Variants in CHD6 observed in about 807,000 individuals in gnomAD.
CHD6 encodes the protein ATP-dependent chromatin remodeler CHD6.
A neutral mutation model predicts 276.9 loss-of-function variants in CHD6; 50 were observed. The ratio of observed to expected loss-of-function variants is 0.18; its 90% CI spans 0.14 to 0.23. The LOEUF (loss-of-function observed/expected upper bound fraction) is 0.23, where lower values mean the gene tolerates loss of function less well. Among genes scored for constraint, CHD6 ranks in the 10% least tolerant of loss-of-function variants. The pLI is 1.00. For missense variants in CHD6, 2,564 were observed against 3,365.8 expected (o/e 0.76, Z 5.89); for synonymous variants, 1,173 against 1,229.3 (o/e 0.95, Z 0.96).
intron 24 of CHD6, among the ~76,000 whole-genome samples, chr20:41,446,585 GT>G (rs2048076020): frequency 6.6e-6 from 1 of 152,146 alleles, no homozygotes; most frequent in South Asian, 2.1e-4. Context: ...TGCCTCTGAA[GT>G]TTCTTCTTCC....
intron 1 of CHD6, among the ~76,000 whole-genome samples, chr20:41,585,088 C>T (rs1601167681): frequency 6.6e-6 from 1 of 152,142 alleles, no homozygotes; most frequent in East Asian, 1.9e-4. Context: ...AAAGAGGAGA[C>T]ATCATGAGGT....
At position 41,538,990 on chromosome 20, in the gene CHD6, C is replaced by T. The variant is rs142030619; in HGVS notation, c.34-5420G>A. 5.4e-4 allele frequency among the ~76,000 whole-genome samples: 83 copies of T among 152,310 alleles called. 1 individual carries two copies. In the East Asian group the frequency reaches 0.015, roughly 27 times the overall value. On this transcript the variant is annotated intron_variant, in intron 2 of 36. Coordinates refer to ENST00000373233, the MANE Select transcript of CHD6 (RefSeq NM_032221.5). ...CTACCTACGTGTCTTGCTCCACTGA[C>T]CCCATACCCTGCATGGACTGCCCAG... is the stretch of plus-strand genomic sequence containing the variant.
At chr20:41,591,379 T>TACACAC (rs201725894) in intron 1 of CHD6, among the ~76,000 whole-genome samples, 10 of 144,186 alleles carry the variant, frequency 6.9e-5, no homozygotes, top group African/African-American at 2.0e-4. Flanking sequence ...TATATATATA[T>TACACAC]ACACACACAC....
chr20:41,558,494 T>C (rs1341444963), intron 1 of CHD6, among the ~76,000 whole-genome samples: 1 of 152,218 alleles, frequency 6.6e-6, no homozygotes, highest in African/African-American at 2.4e-5. Flanking sequence ...GATGTTTTAA[T>C]GATGTAAAAA....
intron 5 of CHD6, among the ~76,000 whole-genome samples, chr20:41,507,269 A>T (rs943749574): frequency 6.6e-6 from 1 of 152,254 alleles, no homozygotes; most frequent in African/African-American, 2.4e-5. Context: ...ATCTAAAGAA[A>T]CTTTAATACA....
At chr20:41,420,456 G>A (rs571290511) in intron 31 of CHD6, 52 bp downstream of exon 31, 128 of 1,538,078 alleles carry the variant, frequency 8.3e-5, no homozygotes, top group Non-Finnish European at 1.0e-4. Context: ...CCAACCCCCC[G>A]TCGTGTGTGA....
intron 17 of CHD6, among the ~76,000 whole-genome samples, chr20:41,464,431 GC>G (rs1351328403): frequency 1.3e-5 from 2 of 152,162 alleles, no homozygotes; most frequent in Non-Finnish European, 2.9e-5. Flanking sequence ...ATATGGGTTA[GC>G]AATTCTAAAA....
chr20:41,483,564 G>C (rs1199961365), intron 15 of CHD6, 45 bp from the exon 16 acceptor site: 1 of 1,395,790 alleles, frequency 7.2e-7, no homozygotes, highest in African/African-American at 1.4e-5. Flanking sequence ...AGAATATAAG[G>C]ATAAAGGTTG....
chr20:41,484,102 C>G (rs2043357643), intron 15 of CHD6, among the ~76,000 whole-genome samples: 1 of 152,184 alleles, frequency 6.6e-6, no homozygotes. Context: ...TTCTGCCCGG[C>G]AGAGTACATG....
At chr20:41,492,669 T>C (rs541238100) in intron 10 of CHD6, among the ~76,000 whole-genome samples, 2 of 152,358 alleles carry the variant, frequency 1.3e-5, no homozygotes, top group East Asian at 1.9e-4. Context: ...GCCAAAGTAA[T>C]CCCAGCACTT....
rs11306578 is a variant in CHD6 at position 41,507,389 on chromosome 20, ATT to A, written c.852+5455_852+5456del. Among the ~76,000 whole-genome samples, 156 of 147,482 alleles carry A rather than the reference ATT, an allele frequency of 1.1e-3. 1 individual carries two copies. Among genetic ancestry groups the A allele is most frequent in the African/African-American group, 3.1e-3 (126 of 40,472 alleles). On this transcript the variant is annotated intron_variant, in intron 5 of 36. Coordinates refer to ENST00000373233, the MANE Select transcript of CHD6 (RefSeq NM_032221.5). The stretch of plus-strand genomic sequence containing the variant: ...TTAAGGAGTTTGAAGTAAAATTTCA[ATT>A]TTTTTTTTTTTTGGCACTGTTAAAA...
At chr20:41,615,145 C>G (rs556986467) in intron 1 of CHD6, among the ~76,000 whole-genome samples, 54 of 152,310 alleles carry the variant, frequency 3.5e-4, no homozygotes, top group Middle Eastern at 3.4e-3. Context: ...CAAATTCTGG[C>G]TCTATCACTG....
chr20:41,560,779 C>G (rs2045292991), intron 1 of CHD6, among the ~76,000 whole-genome samples: 1 of 150,744 alleles, frequency 6.6e-6, no homozygotes, highest in Non-Finnish European at 1.5e-5. Context: ...TCCTTCACAC[C>G]TTTTCAAATA....
At chr20:41,524,178 C>A (rs962169149) in intron 3 of CHD6, among the ~76,000 whole-genome samples, 2 of 152,202 alleles carry the variant, frequency 1.3e-5, no homozygotes, top group Non-Finnish European at 2.9e-5. Context: ...ACATGGATAT[C>A]ACCTTGAAAA....
chr20:41,488,507 C>T lies in CHD6; in HGVS notation c.1778G>A (p.Ser593Asn), dbSNP rs146346004. 3 of 1,613,948 alleles carry T rather than the reference C, an allele frequency of 1.9e-6. No homozygotes were observed. The highest frequency in any genetic ancestry group is 1.7e-6 in the Non-Finnish European group (2 of 1,179,844). ...DCPELKKIHW[S>N]CVIIDEAHRL... ...GTGGGCTTCATCAATTATCACACAG[C>T]TCCAGTGAATCTTCTTCAACTCTGG... The change falls in exon 13 of 37, where the codon AGC (serine) becomes AAC (asparagine). Residue 593 changes from serine (S) to asparagine (N), a missense_variant. This residue lies in a region of CHD6 where 457 missense variants were observed against 889.0 expected (regional missense o/e 0.51). Coordinates refer to ENST00000373233, the MANE Select transcript of CHD6 (RefSeq NM_032221.5).
chr20:41,528,103 C>G (rs2044588705), intron 3 of CHD6, among the ~76,000 whole-genome samples: 1 of 152,196 alleles, frequency 6.6e-6, no homozygotes, highest in South Asian at 2.1e-4. Context: ...TGAACTATAA[C>G]AGTTCCCTAA....
Position 41,421,595 on chromosome 20 carries a change from T to C in CHD6, c.5040A>G (p.Glu1680=). ...CATCCTGAACTTTAGAAATAAAGTTTTCACATGTCACATCAGGCAGGCTGA... is the reference window on the plus strand; with the variant it reads ...CATCCTGAACTTTAGAAATAAAGTTCTCACATGTCACATCAGGCAGGCTGA... ...DHLSLPDVTC[E]NFISKVQDVI... The change falls in exon 31 of 37, where the codon GAA becomes GAG. Residue 1680 remains glutamate, a synonymous_variant. Transcript: ENST00000373233. 1 of 1,613,952 alleles carries C rather than the reference T, an allele frequency of 6.2e-7. No homozygotes were observed. The highest frequency in any genetic ancestry group is 8.5e-7 in the Non-Finnish European group (1 of 1,179,950).
chr20:41,504,403 C>CTTTTTTTT (rs200549678), intron 5 of CHD6, among the ~76,000 whole-genome samples: 103 of 109,916 alleles, frequency 9.4e-4, no homozygotes, highest in Non-Finnish European at 1.3e-3. Context: ...CCTCTATTTT[C>CTTTTTTTT]TTTTTTTTTT....
Position 41,404,444 on chromosome 20 carries a change from T to A in CHD6, c.*149A>T. 7.4e-7 allele frequency: 1 copy of A among 1,345,418 alleles called. No individual in the cohort carries two copies. The highest frequency in any genetic ancestry group is 9.5e-7 in the Non-Finnish European group (1 of 1,048,440). The allele number at this position is 1,345,418 out of a possible 1,614,324, so 83.3% of individuals were successfully genotyped here. On this transcript the variant is annotated 3_prime_UTR_variant, in exon 37 of 37. Coordinates refer to ENST00000373233, the MANE Select transcript of CHD6 (RefSeq NM_032221.5). Reference sequence around the variant, plus strand: ...TGGTGAGACCCTGCAACTATTAACATCTGTTACCATAGTTCTCAGACAGGA... The same window carrying A: ...TGGTGAGACCCTGCAACTATTAACAACTGTTACCATAGTTCTCAGACAGGA...
Sources: gnomAD v4.1 joint callset for allele counts (sites outside exome capture counted in the v4.1 genomes callset) on GRCh38, gnomAD v4.1.1 for gene constraint, gnomAD v4.1.1 regional missense constraint, MANE v1.5 for transcripts, NCBI Gene and HGNC (gene_info 2026-07-23, HGNC 2026-07-21) for gene names.